The following SLC34A3 variants were observed in gnomAD, a reference collection of about 807,000 sequenced individuals.
SLC34A3 encodes solute carrier family 34 member 3, also known as sodium-dependent phosphate transport protein 2C.
In SLC34A3, 60 loss-of-function variants were observed where a neutral mutation model predicts 43.9. That is an observed-to-expected ratio of 1.37 (90% CI 1.11 to 1.70). The LOEUF is 1.70. Among genes scored for constraint, SLC34A3 ranks in the 40% most tolerant of loss-of-function variants. The probability of loss-of-function intolerance (pLI) is 0.00; values close to 1 mark genes in which losing one functional copy is unlikely to be tolerated. For missense variants in SLC34A3, 969 were observed against 823.8 expected (o/e 1.18, Z -2.16); for synonymous variants, 451 against 386.2 (o/e 1.17, Z -1.97).
upstream of SLC34A3, chr9:137,230,611 C>T (rs933621754): frequency 6.6e-6 from 1 of 152,208 alleles, no homozygotes; most frequent in Non-Finnish European, 1.5e-5. Flanking sequence ...TTGGGTCACA[C>T]GGATGCCTGC....
chr9:137,235,938 C>T lies in SLC34A3; in HGVS notation c.1336-14C>T, dbSNP rs1836569924. 1.9e-6 allele frequency: 3 copies of T among 1,610,444 alleles called. No homozygotes were observed. The highest frequency in any genetic ancestry group is 1.1e-5 in the South Asian group (1 of 90,982). ...TCGTTGGGCCCAGGCCCCTGACAGC[C>T]CCCTCGCCCCCAGGTCGCCCTCATC... On this transcript the variant is annotated splice_polypyrimidine_tract_variant and intron_variant, in intron 12 of 12. Transcript: ENST00000673835.
At position 137,232,863 on chromosome 9, in the gene SLC34A3, C is replaced by A; in HGVS notation, c.384C>A (p.Val128=). The change falls in exon 5 of 13, where the codon GTC becomes GTA. Residue 128 remains valine (V), a synonymous_variant. Transcript: ENST00000673835. ...CTGGACTGGTCATTGGCGTGCTGGT[C>A]ACAGCCCTGGTGCAGAGTTCCAGCA... is the stretch of plus-strand genomic sequence containing the variant. ...PVAGLVIGVL[V]TALVQSSSTS... The A allele has an allele frequency of 6.2e-7, 1 of 1,612,492 alleles. No individual in the cohort carries two copies. The highest frequency in any genetic ancestry group is 8.5e-7 in the Non-Finnish European group (1 of 1,179,746).
intron 12 of SLC34A3, among the ~76,000 whole-genome samples, chr9:137,235,168 G>A (rs1481328812): frequency 6.6e-6 from 1 of 151,836 alleles, no homozygotes; most frequent in African/African-American, 2.4e-5. Context: ...CCGATGCTGG[G>A]CCCTGCCCTG....
At position 137,234,766 on chromosome 9, in the gene SLC34A3, CA is replaced by C; in HGVS notation, c.1335+36del. The C allele has an allele frequency of 6.2e-7, 1 of 1,601,668 alleles. No individual in the cohort carries two copies. The highest frequency in any genetic ancestry group is 8.5e-7 in the Non-Finnish European group (1 of 1,179,708). On this transcript the variant is annotated intron_variant, in intron 12 of 12. Coordinates refer to ENST00000673835, the MANE Select transcript of SLC34A3 (RefSeq NM_001177316.2). The surrounding 1 kb of genome is among the most constrained non-coding windows in gnomAD (Gnocchi z 6.9). ...ACCCTGCCCCGCTGCCAGAACTGGC[CA>C]GCTTCCTCTCAGCCCCACAGACAGG...
chr9:137,236,031 C>T lies in SLC34A3; in HGVS notation c.1415C>T (p.Pro472Leu), dbSNP rs750347570. 53 of 1,612,518 alleles carry T rather than the reference C, an allele frequency of 3.3e-5. No homozygotes were observed. The highest frequency in any genetic ancestry group is 3.9e-5 in the Non-Finnish European group (46 of 1,179,868). ...YLVPALRLPI[P>L]LARHFGVVTA... Reference sequence around the variant, plus strand: ...GTGCCTGCACTGCGGCTGCCCATCCCGCTGGCCAGGCACTTCGGGGTGGTG... The same window carrying T: ...GTGCCTGCACTGCGGCTGCCCATCCTGCTGGCCAGGCACTTCGGGGTGGTG... Residue 472 changes from proline to leucine, a missense_variant, in exon 13 of 13, where the codon CCG (proline) becomes CTG (leucine). Physicochemically the swap from Pro to Leu is moderately conservative, Grantham distance 98. Transcript: ENST00000673835.
chr9:137,234,795 T>G lies in SLC34A3; in HGVS notation c.1335+64T>G. The G allele has an allele frequency of 6.3e-7, 1 of 1,597,174 alleles. No homozygotes were observed. Among genetic ancestry groups the G allele is most frequent in the Non-Finnish European group, 8.5e-7 (1 of 1,178,772 alleles). On this transcript the variant is annotated intron_variant, in intron 12 of 12. Coordinates refer to ENST00000673835, the MANE Select transcript of SLC34A3 (RefSeq NM_001177316.2). This position sits in a 1 kb window ranked among gnomAD's most constrained non-coding sequence, Gnocchi z 6.9. The stretch of plus-strand genomic sequence containing the variant: ...TTCCTCTCAGCCCCACAGACAGGAG[T>G]GTGTCACCAGCCCCGGGGCCCTAGG...
chr9:137,231,991 C>A (rs530496132), intron 2 of SLC34A3, 81 bp from the exon 3 acceptor site: 3 of 1,391,532 alleles, frequency 2.2e-6, no homozygotes, highest in South Asian at 2.3e-5. Flanking sequence ...CGCCTCAGCC[C>A]GTCCTCCGGC....
At chr9:137,231,811 G>A (rs1323165878) in intron 2 of SLC34A3, 24 bp downstream of exon 2, 4 of 1,600,664 alleles carry the variant, frequency 2.5e-6, no homozygotes, top group African/African-American at 2.7e-5. Flanking sequence ...CTGTGCCCCA[G>A]GCCTTCACCA....
intron 3 of SLC34A3, 25 bp from the exon 4 acceptor site, chr9:137,232,550 G>C (rs746422757): frequency 6.2e-7 from 1 of 1,610,920 alleles, no homozygotes; most frequent in Admixed American, 1.7e-5. Context: ...GGGCCAGCCA[G>C]GGACAGCCTG....
At position 137,235,914 on chromosome 9, in the gene SLC34A3, C is replaced by T. The variant is rs773814926; in HGVS notation, c.1336-38C>T. 2.7e-5 allele frequency: 43 copies of T among 1,599,416 alleles called. No individual in the cohort carries two copies. In the South Asian group the frequency reaches 2.9e-4, roughly 11 times the overall value. Reference sequence around the variant, plus strand: ...TCCGGGGCCCCTGGTGACCCCACCTCGTTGGGCCCAGGCCCCTGACAGCCC... The same window carrying T: ...TCCGGGGCCCCTGGTGACCCCACCTTGTTGGGCCCAGGCCCCTGACAGCCC... On this transcript the variant is annotated intron_variant, in intron 12 of 12. Coordinates refer to ENST00000673835, the MANE Select transcript of SLC34A3 (RefSeq NM_001177316.2).
chr9:137,233,460 G>A (rs1298715220), intron 7 of SLC34A3, 56 bp downstream of exon 7: 3 of 1,589,250 alleles, frequency 1.9e-6, no homozygotes, highest in Non-Finnish European at 2.6e-6. Flanking sequence ...ATGGGAGGAG[G>A]GGAGGCCCGC....
In SLC34A3 at chr9:137,232,153, C is replaced by A; in HGVS notation, c.167C>A (p.Pro56His). Reference protein sequence around the residue: ...TLPQLKDTSQPWKELRVAGRL... With the variant: ...TLPQLKDTSQHWKELRVAGRL... Reference sequence around the variant, plus strand: ...CCTCAGCTGAAGGACACAAGCCAGCCCTGGAAAGGTGGGTCTGGAGGTTCC... The same window carrying A: ...CCTCAGCTGAAGGACACAAGCCAGCACTGGAAAGGTGGGTCTGGAGGTTCC... Residue 56 changes from proline (P) to histidine (H), a missense_variant, in exon 3 of 13, where the codon CCC becomes CAC. Pro to His is a moderately conservative substitution (Grantham distance 77). Transcript: ENST00000673835. 1 of 1,613,040 alleles carries A rather than the reference C, an allele frequency of 6.2e-7. No homozygotes were observed. The highest frequency in any genetic ancestry group is 8.5e-7 in the Non-Finnish European group (1 of 1,179,950).
chr9:137,233,779 T>TGGGGGGCCCCCCCCCCCCCCCCCC, intron 8 of SLC34A3, 57 bp downstream of exon 8: 1 of 1,445,824 alleles, frequency 6.9e-7, no homozygotes, highest in African/African-American at 1.5e-5. Flanking sequence ...TGCTGAGTCA[T>TGGGGGGCCCCCCCCCCCCCCCCCC]CCCGCCCCAC....
At position 137,234,693 on chromosome 9, in the gene SLC34A3, C is replaced by G. The variant is rs1252889219; in HGVS notation, c.1297C>G (p.Leu433Val). The G allele has an allele frequency of 6.2e-7, 1 of 1,611,980 alleles. No individual in the cohort carries two copies. The highest frequency in any genetic ancestry group is 8.5e-7 in the Non-Finnish European group (1 of 1,179,850). ...GTTTTALLAA[L>V]ASPADRMLSA... ...CACTACCACAGCCCTGCTGGCTGCCCTGGCCAGCCCCGCAGACAGGATGCT... is the reference window on the plus strand; with the variant it reads ...CACTACCACAGCCCTGCTGGCTGCCGTGGCCAGCCCCGCAGACAGGATGCT... The change falls in exon 12 of 13, where the codon CTG (leucine) becomes GTG (valine). Residue 433 changes from leucine (L) to valine (V), a missense_variant. Transcript: ENST00000673835. The surrounding 1 kb of genome is among the most constrained non-coding windows in gnomAD (Gnocchi z 6.9).
upstream of SLC34A3, among the ~76,000 whole-genome samples, chr9:137,229,988 G>C (rs1257134709): frequency 1.3e-5 from 2 of 152,142 alleles, no homozygotes; most frequent in African/African-American, 2.4e-5. Context: ...GCAGGAGGGA[G>C]ACGGAAGAGA....
Position 137,234,205 on chromosome 9 carries a change from T to TCA in SLC34A3, c.1023_1024dup (p.Ile342ThrfsTer2). 6.2e-7 allele frequency: 1 copy of TCA among 1,607,694 alleles called. No homozygotes were observed. The highest frequency in any genetic ancestry group is 8.5e-7 in the Non-Finnish European group (1 of 1,178,400). On this transcript the variant is annotated frameshift_variant, in exon 10 of 13. Coordinates refer to ENST00000673835, the MANE Select transcript of SLC34A3 (RefSeq NM_001177316.2). LOFTEE classifies it high-confidence loss of function. The surrounding 1 kb of genome is among the most constrained non-coding windows in gnomAD (Gnocchi z 6.9). ...CTGGTGCTCTGCGGCTGCCTGGTCCTCATAGTCAAGCTGCTCAACTCTGTG... is the reference window on the plus strand; with the variant it reads ...CTGGTGCTCTGCGGCTGCCTGGTCCTCACATAGTCAAGCTGCTCAACTCTGTG...
rs758434165 is a variant in SLC34A3, at chr9:137,234,589, GA to G, written c.1211-17del. ...GGGGCTCGGGCTGGGGTCCTGTGGT[GA>G]CTCCCAGTTCCCCCAGGGGTCGGGG... On this transcript the variant is annotated splice_polypyrimidine_tract_variant and intron_variant, in intron 11 of 12. Coordinates refer to ENST00000673835, the MANE Select transcript of SLC34A3 (RefSeq NM_001177316.2). The surrounding 1 kb of genome is among the most constrained non-coding windows in gnomAD (Gnocchi z 6.9). The G allele has an allele frequency of 9.3e-6, 15 of 1,611,896 alleles. No homozygotes were observed. The highest frequency in any genetic ancestry group is 1.1e-5 in the Non-Finnish European group (13 of 1,179,690).
At chr9:137,230,436 C>G (rs1440637998), upstream of SLC34A3, among the ~76,000 whole-genome samples, 1 of 152,234 alleles carries the variant, frequency 6.6e-6, no homozygotes, top group African/African-American at 2.4e-5. Flanking sequence ...TCCCCCACCA[C>G]CTGGTGCAAA....
intron 12 of SLC34A3, among the ~76,000 whole-genome samples, chr9:137,235,213 C>A (rs1042887946): frequency 1.3e-5 from 2 of 152,150 alleles, no homozygotes; most frequent in African/African-American, 4.8e-5. Flanking sequence ...CTCCAGGACA[C>A]TTCCCCCAGT....
Sources: allele counts gnomAD v4.1 joint callset (sites outside exome capture counted in the v4.1 genomes callset), GRCh38; gene constraint gnomAD v4.1.1; non-coding constraint Gnocchi (gnomAD v3.1); transcripts MANE v1.5; gene names NCBI Gene and HGNC (gene_info 2026-07-23, HGNC 2026-07-21).